Variants in PAG1 observed in about 807,000 individuals in gnomAD.
PAG1 encodes phosphoprotein associated with glycosphingolipid-enriched microdomains 1.
A neutral mutation model predicts 31.7 loss-of-function variants in PAG1; 23 were observed. The observed-to-expected ratio is 0.73, with a 90% CI of 0.52 to 1.03. The LOEUF (loss-of-function observed/expected upper bound fraction) is 1.03, where lower values mean the gene tolerates loss of function less well. Among genes scored for constraint, PAG1 ranks in the 50% least tolerant of loss-of-function variants. The pLI, the probability that PAG1 is intolerant of heterozygous loss-of-function variation, is 0.00. For missense variants in PAG1, 473 were observed against 540.7 expected (o/e 0.87, Z 1.24); for synonymous variants, 214 against 210.3 (o/e 1.02, Z -0.15).
chr8:80,984,832 T>C lies in PAG1; in HGVS notation c.820A>G (p.Lys274Glu). The C allele has an allele frequency of 6.2e-7, 1 of 1,614,094 alleles. No individual in the cohort carries two copies. Among genetic ancestry groups the C allele is most frequent in the Non-Finnish European group, 8.5e-7 (1 of 1,179,966 alleles). ...CTCTCTTCCGCCTCTCCCCCTTCCT[T>C]CTCCTGAAGGTTTTCATTCTCGTCC... ...LLDENENLQE[K>E]EGGEAEESAT... Residue 274 changes from lysine to glutamate, a missense_variant, in exon 7 of 9, where the codon AAG becomes GAG. Lys to Glu is a moderately conservative substitution (Grantham distance 56). Coordinates refer to ENST00000220597, the MANE Select transcript of PAG1 (RefSeq NM_018440.4).
chr8:80,980,371 A>T, intron 8 of PAG1, 64 bp downstream of exon 8: 7 of 881,060 alleles, frequency 7.9e-6, no homozygotes, highest in Non-Finnish European at 1.3e-5. Flanking sequence ...CAGTGCATTT[A>T]TTCAAGGGGG....
At chr8:81,050,696 A>G (rs1057125065) in intron 2 of PAG1, among the ~76,000 whole-genome samples, 1 of 147,042 alleles carries the variant, frequency 6.8e-6, no homozygotes, top group Non-Finnish European at 1.5e-5. Flanking sequence ...AGGAAAACAG[A>G]AAGACAAGTA....
intron 8 of PAG1, among the ~76,000 whole-genome samples, chr8:80,979,084 T>C (rs1292269250): frequency 1.3e-5 from 2 of 152,262 alleles, no homozygotes; most frequent in Non-Finnish European, 2.9e-5. Context: ...TTCATATTTA[T>C]TTTTCCTCTT....
At chr8:81,055,003 G>T (rs1457141705) in intron 2 of PAG1, among the ~76,000 whole-genome samples, 1 of 151,856 alleles carries the variant, frequency 6.6e-6, no homozygotes, top group Non-Finnish European at 1.5e-5. Flanking sequence ...ATAGATTCAG[G>T]ATACAATGAC....
chr8:81,064,179 C>A (rs1011190138), intron 2 of PAG1, among the ~76,000 whole-genome samples: 2 of 152,182 alleles, frequency 1.3e-5, no homozygotes, highest in African/African-American at 4.8e-5. Flanking sequence ...GGACCGGTTT[C>A]ATGGAAGACA....
chr8:81,016,899 C>A (rs1260299795), intron 3 of PAG1, among the ~76,000 whole-genome samples: 1 of 152,150 alleles, frequency 6.6e-6, no homozygotes, highest in East Asian at 1.9e-4. Context: ...CATATTCCAA[C>A]AAATCTAGGT....
At chr8:81,027,904 CAAAAAAAA>C in intron 3 of PAG1, among the ~76,000 whole-genome samples, 1 of 52,850 alleles carries the variant, frequency 1.9e-5, no homozygotes, top group South Asian at 7.1e-4. Flanking sequence ...GACTCCGTCT[CAAAAAAAA>C]AAAAAAAAAA....
At chr8:81,005,786 G>A (rs976253175) in intron 3 of PAG1, among the ~76,000 whole-genome samples, 5 of 152,090 alleles carry the variant, frequency 3.3e-5, no homozygotes, top group Admixed American at 6.5e-5. Flanking sequence ...TTCACTTGCC[G>A]TCCTTCCCAG....
chr8:81,012,506 G>C (rs1808002287), intron 3 of PAG1, among the ~76,000 whole-genome samples: 1 of 152,158 alleles, frequency 6.6e-6, no homozygotes, highest in Admixed American at 6.5e-5. Flanking sequence ...CCCAGAGTAG[G>C]CACCCAGTAA....
intron 3 of PAG1, among the ~76,000 whole-genome samples, chr8:81,004,430 ACT>A (rs1413819616): frequency 6.6e-6 from 1 of 152,074 alleles, no homozygotes; most frequent in Non-Finnish European, 1.5e-5. Context: ...ACTTGCTGAC[ACT>A]CTGTCATTCA....
At chr8:81,065,160 T>C (rs1808982826) in intron 2 of PAG1, among the ~76,000 whole-genome samples, 1 of 152,164 alleles carries the variant, frequency 6.6e-6, no homozygotes, top group Admixed American at 6.5e-5. Context: ...GTGTCCTCAA[T>C]GGCACAATTT....
intron 1 of PAG1, among the ~76,000 whole-genome samples, chr8:81,102,772 T>C (rs1261446017): frequency 1.3e-5 from 2 of 152,186 alleles, no homozygotes; most frequent in African/African-American, 4.8e-5. Flanking sequence ...TCCTACATCA[T>C]TTTACATTGC....
intron 3 of PAG1, among the ~76,000 whole-genome samples, chr8:81,012,370 A>C (rs1486395947): frequency 6.6e-6 from 1 of 152,212 alleles, no homozygotes; most frequent in Non-Finnish European, 1.5e-5. Flanking sequence ...CTATGTTTGC[A>C]TGTCAGCTCC....
chr8:81,054,049 G>C (rs1162476307), intron 2 of PAG1, among the ~76,000 whole-genome samples: 1 of 152,110 alleles, frequency 6.6e-6, no homozygotes, highest in Non-Finnish European at 1.5e-5. Context: ...TACAAAAATA[G>C]GTGCCAGAAT....
intron 3 of PAG1, among the ~76,000 whole-genome samples, chr8:80,998,831 G>A (rs1443742620): frequency 6.6e-6 from 1 of 152,148 alleles, no homozygotes; most frequent in Non-Finnish European, 1.5e-5. Context: ...TGTTGCAGTT[G>A]ACACATAATT....
At chr8:81,097,355 T>G (rs902990182) in intron 1 of PAG1, among the ~76,000 whole-genome samples, 7 of 152,152 alleles carry the variant, frequency 4.6e-5, no homozygotes, top group African/African-American at 1.4e-4. Context: ...AAGGTGAGGT[T>G]GTCAGCTTCT....
Position 80,984,673 on chromosome 8 carries a change from CT to C in PAG1, c.876+102del, listed in dbSNP as rs1246489734. On this transcript the variant is annotated intron_variant, in intron 7 of 8. Transcript: ENST00000220597. ...AAAACAGCTCTCATCATTCAACAAA[CT>C]GGAAAGTGTTTGCAGATATTTCCCA... The C allele has an allele frequency of 2.0e-5, 22 of 1,116,238 alleles. No individual in the cohort carries two copies. In the African/African-American group the frequency reaches 3.4e-4, roughly 17 times the overall value. 69.1% of individuals were successfully genotyped at this position (1,116,238 alleles called of 1,614,324 possible).
intron 3 of PAG1, among the ~76,000 whole-genome samples, chr8:80,994,763 G>A (rs999371022): frequency 1.3e-5 from 2 of 152,162 alleles, no homozygotes; most frequent in East Asian, 1.9e-4. Flanking sequence ...AAATGGAGTC[G>A]TATATCAAAT....
At chr8:81,089,531 GC>G (rs1407624723) in intron 1 of PAG1, among the ~76,000 whole-genome samples, 2 of 151,576 alleles carry the variant, frequency 1.3e-5, no homozygotes, top group African/African-American at 4.9e-5. Context: ...TCGCACCACT[GC>G]ACTCCAGCCT....
Sources: allele counts gnomAD v4.1 joint callset (sites outside exome capture counted in the v4.1 genomes callset), GRCh38; gene constraint gnomAD v4.1.1; transcripts MANE v1.5; gene names NCBI Gene and HGNC (gene_info 2026-07-23, HGNC 2026-07-21).